SLC25A20: variants seen among roughly 807,000 people sequenced by gnomAD.
SLC25A20 encodes the protein solute carrier family 25 member 20.
Under a neutral mutation model 39.7 loss-of-function variants are expected in SLC25A20, and 29 were observed. The observed-to-expected ratio is 0.73, with a 90% CI of 0.54 to 1.00. SLC25A20 has a LOEUF of 1.00. Among genes scored for constraint, SLC25A20 ranks in the 50% least tolerant of loss-of-function variants. The pLI is 0.00. For synonymous variants in SLC25A20, 103 were observed against 142.2 expected, an observed-to-expected ratio of 0.72 and a Z score of 1.96; for missense variants, 333 against 379.9, an observed-to-expected ratio of 0.88 and a Z score of 1.03.
intron 2 of SLC25A20, among the ~76,000 whole-genome samples, chr3:48,886,317 G>C (rs2083828507): frequency 6.6e-6 from 1 of 152,056 alleles, no homozygotes; most frequent in Non-Finnish European, 1.5e-5. Context: ...CTGAGGTCGG[G>C]AGTTCGAGAC....
At chr3:48,894,158 C>CAA (rs1264070423) in intron 1 of SLC25A20, among the ~76,000 whole-genome samples, 3 of 65,156 alleles carry the variant, frequency 4.6e-5, no homozygotes, top group African/African-American at 1.8e-4. Context: ...GACTCCTTCT[C>CAA]AAAAAAAAAA....
intron 3 of SLC25A20, among the ~76,000 whole-genome samples, 154 bp downstream of exon 3, chr3:48,883,843 C>T (rs1279835157): frequency 2.0e-5 from 3 of 151,970 alleles, no homozygotes; most frequent in African/African-American, 4.8e-5. Context: ...AAGCTGGACT[C>T]GACCTCCTGA....
Position 48,879,451 on chromosome 3 carries a change from G to C in SLC25A20, c.327-3C>G. 6.2e-7 allele frequency: 1 copy of C among 1,611,632 alleles called. No homozygotes were observed. ...CAGCTGCAAAAAGCTGGGGATAGCT[G>C]CATTGAAAACAAAAAGCAGAAGCAA... is the stretch of plus-strand genomic sequence containing the variant. On this transcript the variant is annotated splice_polypyrimidine_tract_variant and splice_region_variant and intron_variant, in intron 3 of 8. Transcript: ENST00000319017.
chr3:48,861,829 C>T (rs1471197937), intron 5 of SLC25A20, among the ~76,000 whole-genome samples: 4 of 152,032 alleles, frequency 2.6e-5, no homozygotes, highest in African/African-American at 9.7e-5. Context: ...GAGTTTGAGA[C>T]CAGCCCGGCC....
intron 4 of SLC25A20, among the ~76,000 whole-genome samples, chr3:48,870,136 T>C (rs2083702861): frequency 6.6e-6 from 1 of 151,866 alleles, no homozygotes. Flanking sequence ...ATGGTGGCTC[T>C]CGCCTATAAT....
intron 4 of SLC25A20, among the ~76,000 whole-genome samples, chr3:48,867,352 T>A (rs957340681): frequency 6.6e-6 from 1 of 150,988 alleles, no homozygotes; most frequent in East Asian, 2.0e-4. Flanking sequence ...TTCAAGTGAT[T>A]CTCCTGCCTC....
intron 6 of SLC25A20, 39 bp downstream of exon 6, chr3:48,859,516 T>G (rs1230852170): frequency 1.3e-6 from 2 of 1,544,158 alleles, no homozygotes; most frequent in Non-Finnish European, 1.8e-6. Context: ...AACGCACCCA[T>G]GACTGGGGAA....
intron 2 of SLC25A20, among the ~76,000 whole-genome samples, chr3:48,890,628 C>T (rs1242569032): frequency 1.3e-5 from 2 of 150,756 alleles, no homozygotes; most frequent in Non-Finnish European, 2.9e-5. Context: ...GGATAACTCA[C>T]CCTCCTTACC....
At chr3:48,870,814 A>ATT (rs71077745) in intron 4 of SLC25A20, among the ~76,000 whole-genome samples, 9 of 109,824 alleles carry the variant, frequency 8.2e-5, no homozygotes, top group African/African-American at 1.4e-4. Context: ...CAGGAATCAG[A>ATT]TTTTTTTTTT....
At chr3:48,867,779 G>A (rs1233030143) in intron 4 of SLC25A20, among the ~76,000 whole-genome samples, 1 of 151,846 alleles carries the variant, frequency 6.6e-6, no homozygotes, top group Non-Finnish European at 1.5e-5. Flanking sequence ...CAAGCAGGGT[G>A]GCCGGGCATG....
chr3:48,861,589 T>G (rs775036100), intron 5 of SLC25A20, among the ~76,000 whole-genome samples: 6 of 150,440 alleles, frequency 4.0e-5, no homozygotes, highest in Non-Finnish European at 7.4e-5. Context: ...TAGCCAGGCA[T>G]GGTGGCACAC....
chr3:48,860,437 A>T (rs552398014), intron 5 of SLC25A20, among the ~76,000 whole-genome samples: 135 of 150,922 alleles, frequency 8.9e-4, no homozygotes, highest in African/African-American at 3.2e-3. Flanking sequence ...ACATGGTGAA[A>T]CCCTGTCTCT....
At chr3:48,873,437 C>T (rs954059861) in intron 4 of SLC25A20, among the ~76,000 whole-genome samples, 53 of 142,200 alleles carry the variant, frequency 3.7e-4, no homozygotes, top group Non-Finnish European at 6.2e-4. Flanking sequence ...GGTGAAACCC[C>T]GTCTCTACTG....
chr3:48,886,296 G>A (rs1294960311), intron 2 of SLC25A20, among the ~76,000 whole-genome samples: 1 of 151,988 alleles, frequency 6.6e-6, no homozygotes, highest in Non-Finnish European at 1.5e-5. Flanking sequence ...AGGCCAAGGC[G>A]GGCGGATCAC....
intron 2 of SLC25A20, among the ~76,000 whole-genome samples, chr3:48,888,207 GAAAAAAAAAAAA>G (rs751937375): frequency 4.5e-5 from 2 of 44,242 alleles, no homozygotes; most frequent in African/African-American, 1.8e-4. Flanking sequence ...ACTCCATCTC[GAAAAAAAAAAAA>G]AAAAAAAAAA....
At chr3:48,869,521 C>T (rs528656613) in intron 4 of SLC25A20, among the ~76,000 whole-genome samples, 3 of 152,056 alleles carry the variant, frequency 2.0e-5, no homozygotes, top group Non-Finnish European at 2.9e-5. Context: ...TGTGCCCGGC[C>T]GAAAAACCTT....
chr3:48,871,384 G>A (rs2083713778), intron 4 of SLC25A20, among the ~76,000 whole-genome samples: 1 of 151,802 alleles, frequency 6.6e-6, no homozygotes, highest in African/African-American at 2.4e-5. Flanking sequence ...GAATAAGTCT[G>A]TTGAATTTCA....
In SLC25A20 at chr3:48,883,716, A is replaced by G. The variant is rs548474442; in HGVS notation, c.326+281T>C. On this transcript the variant is annotated intron_variant, in intron 3 of 8. Transcript: ENST00000319017. Reference sequence around the variant, plus strand: ...GCTCACTGCAACCTCTTGCCTCCCAAGTTCAAGCGATTCTCCTGCCTCGGC... The same window carrying G: ...GCTCACTGCAACCTCTTGCCTCCCAGGTTCAAGCGATTCTCCTGCCTCGGC... Among the ~76,000 whole-genome samples the G allele has an allele frequency of 1.4e-3, 214 of 148,210 alleles. 1 individual carries two copies. Among genetic ancestry groups the G allele is most frequent in the Admixed American group, 2.5e-3 (36 of 14,558 alleles).
intron 2 of SLC25A20, among the ~76,000 whole-genome samples, chr3:48,885,273 GA>G (rs900821464): frequency 5.8e-5 from 8 of 137,124 alleles, no homozygotes; most frequent in East Asian, 2.1e-4. Flanking sequence ...CCCATCTCTA[GA>G]AAAAAAAAAA....
Sources: gnomAD v4.1 joint callset for allele counts (sites outside exome capture counted in the v4.1 genomes callset) on GRCh38, gnomAD v4.1.1 for gene constraint, MANE v1.5 for transcripts, NCBI Gene and HGNC (gene_info 2026-07-23, HGNC 2026-07-21) for gene names.